The following ATP11A variants were observed in gnomAD, a reference collection of about 807,000 sequenced individuals.
The protein encoded by ATP11A is phospholipid-transporting ATPase IH.
In ATP11A, 81 loss-of-function variants were observed where a neutral mutation model predicts 154.4. That is an observed-to-expected ratio of 0.52 (90% CI 0.44 to 0.63). The LOEUF (loss-of-function observed/expected upper bound fraction) is 0.63, where lower values mean the gene tolerates loss of function less well. ATP11A is among the 30% of genes least tolerant of loss of function. The pLI is 0.00. For missense variants in ATP11A, 1,316 were observed against 1,474.3 expected, an observed-to-expected ratio of 0.89 and a Z score of 1.76; for synonymous variants, 623 against 585.9, an observed-to-expected ratio of 1.06 and a Z score of -0.91.
chr13:112,802,215 G>A (rs1357882520), intron 2 of ATP11A, among the ~76,000 whole-genome samples: 1 of 152,070 alleles, frequency 6.6e-6, no homozygotes, highest in East Asian at 1.9e-4. Flanking sequence ...GCGTGGTGGT[G>A]GGCGCCTGTA....
chr13:112,882,249 G>A lies in ATP11A; in HGVS notation c.*383G>A. On this transcript the variant is annotated 3_prime_UTR_variant, in exon 30 of 30. Coordinates refer to ENST00000375645, the MANE Select transcript of ATP11A (RefSeq NM_015205.3). The surrounding 1 kb of genome is among the most constrained non-coding windows in gnomAD (Gnocchi z 5.1). ...CTCAACGCAGGAGGGACATTCTGCT[G>A]GCCCACCCTGCGCGCTGTCATGCAG... The A allele has an allele frequency of 1.5e-6, 1 of 665,858 alleles. No individual in the cohort carries two copies. Among genetic ancestry groups the A allele is most frequent in the African/African-American group, 1.9e-5 (1 of 53,228 alleles). 41.2% of individuals were successfully genotyped at this position (665,858 alleles called of 1,614,324 possible). A position where few individuals can be genotyped will look rare whatever the true frequency, so the allele number is the denominator to read the frequency against.
chr13:112,776,525 C>T (rs4545699), intron 1 of ATP11A, among the ~76,000 whole-genome samples: 16,637 of 152,178 alleles, frequency 0.11, 1,486 homozygotes, highest in African/African-American at 0.24. Flanking sequence ...CGCTGTGCTC[C>T]GGCCTGCCTG....
intron 25 of ATP11A, among the ~76,000 whole-genome samples, chr13:112,864,316 A>G (rs1305184009): frequency 2.0e-5 from 2 of 98,940 alleles, no homozygotes; most frequent in Non-Finnish European, 4.2e-5. Flanking sequence ...AGCGGGGTCC[A>G]TCACCACATG....
At chr13:112,858,032 G>A (rs1021129915) in intron 21 of ATP11A, 112 bp downstream of exon 21, 45 of 1,567,522 alleles carry the variant, frequency 2.9e-5, no homozygotes, top group South Asian at 1.0e-4. Context: ...CACCACCCTC[G>A]TGTGTGACCG....
In ATP11A at chr13:112,801,622, G is replaced by A. The variant is rs1034567759; in HGVS notation, c.163-3335G>A. ...TGGTTGCAGGATGCAAAAATTAATCGCTATCCTATATGCCAGCAATGAACA... is the reference window on the plus strand; with the variant it reads ...TGGTTGCAGGATGCAAAAATTAATCACTATCCTATATGCCAGCAATGAACA... On this transcript the variant is annotated intron_variant, in intron 2 of 29. Coordinates refer to ENST00000375645, the MANE Select transcript of ATP11A (RefSeq NM_015205.3). Among the ~76,000 whole-genome samples, 6 of 152,208 alleles carry A rather than the reference G, an allele frequency of 3.9e-5. No individual in the cohort carries two copies. In the East Asian group the frequency reaches 7.7e-4, roughly 20 times the overall value.
At chr13:112,727,251 T>C (rs1293985415) in intron 1 of ATP11A, among the ~76,000 whole-genome samples, 1 of 152,228 alleles carries the variant, frequency 6.6e-6, no homozygotes, top group African/African-American at 2.4e-5. Flanking sequence ...TTCACCATGT[T>C]GGCCAGGCTG....
Position 112,819,870 on chromosome 13 carries a change from C to T in ATP11A, c.675-30C>T, listed in dbSNP as rs376108830. The stretch of plus-strand genomic sequence containing the variant: ...CTTCCCGGGGGCCGCTGGGCGCGTC[C>T]GGTCAGTAACGTGGCTTTTCTGTCG... On this transcript the variant is annotated intron_variant, in intron 7 of 29. Coordinates refer to ENST00000375645, the MANE Select transcript of ATP11A (RefSeq NM_015205.3). 8.1e-5 allele frequency: 130 copies of T among 1,613,814 alleles called. No homozygotes were observed. In the East Asian group the frequency reaches 1.2e-3, roughly 15 times the overall value.
At position 112,869,747 on chromosome 13, in the gene ATP11A, C is replaced by T. The variant is rs991369794; in HGVS notation, c.2992-1988C>T. ...AAAGCATCAGCTTCCAGTTACAGCA[C>T]AGCAGCCTCCCGCCCTCCAGCACCT... On this transcript the variant is annotated intron_variant, in intron 25 of 29. Coordinates refer to ENST00000375645, the MANE Select transcript of ATP11A (RefSeq NM_015205.3). Among the ~76,000 whole-genome samples, 3 of 152,246 alleles carry T rather than the reference C, an allele frequency of 2.0e-5. No individual in the cohort carries two copies. The East Asian group carries it at 5.8e-4, about 29-fold the overall frequency.
At chr13:112,848,728 C>T (rs1163929195) in intron 17 of ATP11A, among the ~76,000 whole-genome samples, 1 of 152,230 alleles carries the variant, frequency 6.6e-6, no homozygotes, top group African/African-American at 2.4e-5. Flanking sequence ...GCTCTTGTCG[C>T]CCAGGCTGGA....
chr13:112,826,914 G>T (rs1329554752), intron 12 of ATP11A, 23 bp downstream of exon 12: 1 of 1,613,300 alleles, frequency 6.2e-7, no homozygotes, highest in Non-Finnish European at 8.5e-7. Context: ...TGAGTCATCT[G>T]CTGTGATTTA....
At chr13:112,758,728 T>G (rs2076900422) in intron 1 of ATP11A, among the ~76,000 whole-genome samples, 1 of 152,226 alleles carries the variant, frequency 6.6e-6, no homozygotes, top group Non-Finnish European at 1.5e-5. Flanking sequence ...CAGCCTACAT[T>G]TCTTAAATCT....
intron 1 of ATP11A, among the ~76,000 whole-genome samples, chr13:112,749,300 G>T (rs538605778): frequency 6.6e-6 from 1 of 152,218 alleles, no homozygotes; most frequent in Non-Finnish European, 1.5e-5. Flanking sequence ...TTTCTTAATA[G>T]AAATTAAGAA....
At chr13:112,691,463 C>CA (rs34506401) in intron 1 of ATP11A, among the ~76,000 whole-genome samples, 11,946 of 84,164 alleles carry the variant, frequency 0.14, 1,169 homozygotes, top group African/African-American at 0.31. Flanking sequence ...GACTCTGTAT[C>CA]AAAAAAAAAA....
chr13:112,854,678 C>T (rs1403470201), intron 19 of ATP11A, 148 bp downstream of exon 19: 1 of 945,168 alleles, frequency 1.1e-6, no homozygotes, highest in Non-Finnish European at 1.5e-6. Flanking sequence ...TCTTAGGGGT[C>T]AGGTGAACAC....
At chr13:112,845,206 G>A (rs187587540) in intron 17 of ATP11A, among the ~76,000 whole-genome samples, 1 of 145,794 alleles carries the variant, frequency 6.9e-6, no homozygotes, top group South Asian at 2.1e-4. Context: ...CCAGGCACTA[G>A]TGATACTAAC....
chr13:112,855,477 C>T (rs1319029608), intron 19 of ATP11A, among the ~76,000 whole-genome samples: 1 of 152,204 alleles, frequency 6.6e-6, no homozygotes, highest in Non-Finnish European at 1.5e-5. Flanking sequence ...CGCATCCAGC[C>T]TTCTTGTCAT....
chr13:112,706,117 G>A (rs900093816), intron 1 of ATP11A, among the ~76,000 whole-genome samples: 1 of 152,090 alleles, frequency 6.6e-6, no homozygotes. Flanking sequence ...AGATCTTAAC[G>A]GGTGAAGAGA....
At chr13:112,755,621 A>G (rs1230397908) in intron 1 of ATP11A, among the ~76,000 whole-genome samples, 2 of 152,188 alleles carry the variant, frequency 1.3e-5, no homozygotes, top group African/African-American at 4.8e-5. Flanking sequence ...TGGAAGCGTC[A>G]CTCAGAGCGG....
At chr13:112,836,371 T>TA in intron 16 of ATP11A, 120 bp downstream of exon 16, 4 of 580,836 alleles carry the variant, frequency 6.9e-6, no homozygotes, top group Non-Finnish European at 8.7e-6. Flanking sequence ...ATTCTTTTTT[T>TA]AAAAACTATA....
Sources: gnomAD v4.1 joint callset for allele counts (sites outside exome capture counted in the v4.1 genomes callset) on GRCh38, gnomAD v4.1.1 for gene constraint, Gnocchi (gnomAD v3.1) non-coding constraint, MANE v1.5 for transcripts, NCBI Gene and HGNC (gene_info 2026-07-23, HGNC 2026-07-21) for gene names.